PLEKHA2: variants seen among roughly 807,000 people sequenced by gnomAD.
PLEKHA2 encodes the protein pleckstrin homology domain-containing family A member 2.
PLEKHA2 carries 28 observed loss-of-function variants against 53.2 expected under a neutral mutation model. The observed-to-expected ratio is 0.53, with a 90% CI of 0.39 to 0.72. The LOEUF (loss-of-function observed/expected upper bound fraction) is 0.72, where lower values mean the gene tolerates loss of function less well. PLEKHA2 is among the 30% of genes least tolerant of loss of function. PLEKHA2 has a pLI of 0.00. For synonymous variants in PLEKHA2, 193 were observed against 196.4 expected, an observed-to-expected ratio of 0.98 and a Z score of 0.14; for missense variants, 426 against 537.9, an observed-to-expected ratio of 0.79 and a Z score of 2.06.
Position 38,969,902 on chromosome 8 carries a change from G to T in PLEKHA2, c.*119G>T. 7.1e-7 allele frequency: 1 copy of T among 1,414,378 alleles called. No homozygotes were observed. The allele number at this position is 1,414,378 out of a possible 1,614,324, so 87.6% of individuals were successfully genotyped here. ...AGGCCTTTATGTCACTCATATTCCT[G>T]TGGATGCTCTTTGGGAGGGAGGGGC... On this transcript the variant is annotated 3_prime_UTR_variant, in exon 12 of 12. Transcript: ENST00000617275.
intron 1 of PLEKHA2, among the ~76,000 whole-genome samples, chr8:38,902,252 G>A: frequency 6.6e-6 from 1 of 150,936 alleles, no homozygotes; most frequent in South Asian, 2.1e-4. Flanking sequence ...AGGCCGTTTA[G>A]AAGGGAAAAG....
At chr8:38,903,184 C>T (rs188759392) in intron 1 of PLEKHA2, among the ~76,000 whole-genome samples, 6 of 152,320 alleles carry the variant, frequency 3.9e-5, no homozygotes, top group East Asian at 1.9e-4. Context: ...GTTATTAGTC[C>T]GGATGTTGCC....
chr8:38,936,109 C>G, intron 3 of PLEKHA2, 59 bp downstream of exon 3: 1 of 1,550,916 alleles, frequency 6.4e-7, no homozygotes. Context: ...GGTTTCTAAG[C>G]AAGGGGAAGT....
chr8:38,934,335 A>T (rs1377564563), intron 2 of PLEKHA2, among the ~76,000 whole-genome samples: 1 of 152,034 alleles, frequency 6.6e-6, no homozygotes, highest in Non-Finnish European at 1.5e-5. Flanking sequence ...AGATCATTTC[A>T]CTGATAATTC....
chr8:38,952,069 AGGGCAAAGAG>A, intron 6 of PLEKHA2, 87 bp from the exon 7 acceptor site: 1 of 1,420,134 alleles, frequency 7.0e-7, no homozygotes. Flanking sequence ...TCTTTGACTT[AGGGCAAAGAG>A]GCCAGAGATT....
chr8:38,952,493 CT>C, intron 7 of PLEKHA2, 142 bp from the exon 8 acceptor site: 1 of 1,284,064 alleles, frequency 7.8e-7, no homozygotes. Flanking sequence ...GGTGTTGCCC[CT>C]GATATGAAGA....
intron 2 of PLEKHA2, among the ~76,000 whole-genome samples, chr8:38,933,778 T>TAAAA (rs774899490): frequency 6.1e-5 from 3 of 49,048 alleles, no homozygotes; most frequent in African/African-American, 1.4e-4. Context: ...AGAGGTTTCC[T>TAAAA]AAAAAAAAAA....
At chr8:38,947,487 G>C (rs1564140196) in intron 5 of PLEKHA2, among the ~76,000 whole-genome samples, 2 of 152,138 alleles carry the variant, frequency 1.3e-5, no homozygotes, top group Non-Finnish European at 2.9e-5. Context: ...GCCAGGCCTG[G>C]TGGCTTACAC....
chr8:38,969,941 C>CTGTGTGTGTGTGTGTGTG lies in PLEKHA2; in HGVS notation c.*178_*195dup. The stretch of plus-strand genomic sequence containing the variant: ...GGAGGGAGGGGCCCATCCAGCTGGG[C>CTGTGTGTGTGTGTGTGTG]TGTGTGTGTGTGTGTGTGTGTGTGT... On this transcript the variant is annotated 3_prime_UTR_variant, in exon 12 of 12. Coordinates refer to ENST00000617275, the MANE Select transcript of PLEKHA2 (RefSeq NM_021623.2). 1.4e-6 allele frequency: 1 copy of CTGTGTGTGTGTGTGTGTG among 696,658 alleles called. No homozygotes were observed. The highest frequency in any genetic ancestry group is 2.3e-6 in the Non-Finnish European group (1 of 440,210). 43.2% of individuals were successfully genotyped at this position (696,658 alleles called of 1,614,324 possible).
chr8:38,956,994 A>C (rs1588273518), intron 9 of PLEKHA2, among the ~76,000 whole-genome samples: 1 of 152,124 alleles, frequency 6.6e-6, no homozygotes, highest in African/African-American at 2.4e-5. Flanking sequence ...GGGAGGCAGG[A>C]AGGAAGGAAA....
At chr8:38,950,608 G>A in intron 5 of PLEKHA2, 1 of 385,358 alleles carries the variant, frequency 2.6e-6, no homozygotes, top group Non-Finnish European at 4.6e-6. Flanking sequence ...CCAGGGAAGG[G>A]CTGGCTCATA....
intron 10 of PLEKHA2, among the ~76,000 whole-genome samples, chr8:38,965,214 A>C (rs1220141758): frequency 1.3e-5 from 2 of 152,040 alleles, no homozygotes; most frequent in Non-Finnish European, 2.9e-5. Flanking sequence ...TGATTCTGTG[A>C]TTTCTTGCTA....
At chr8:38,919,389 G>A (rs1237853150) in intron 2 of PLEKHA2, among the ~76,000 whole-genome samples, 3 of 152,144 alleles carry the variant, frequency 2.0e-5, no homozygotes, top group Non-Finnish European at 4.4e-5. Flanking sequence ...CCTGAGTGCT[G>A]TTAGCTCTTT....
In PLEKHA2 at chr8:38,933,094, G is replaced by A. The variant is rs759995018; in HGVS notation, c.142-2900G>A. On this transcript the variant is annotated intron_variant, in intron 2 of 11. Transcript: ENST00000617275. The stretch of plus-strand genomic sequence containing the variant: ...TGTTTTTCCATGTGGGTTAGTGTCC[G>A]AATGGTTCCCCAAATCCCACTTCAT... Among the ~76,000 whole-genome samples, 4 of 152,304 alleles carry A rather than the reference G, an allele frequency of 2.6e-5. 1 individual carries two copies. Among genetic ancestry groups the A allele is most frequent in the South Asian group, 4.1e-4 (2 of 4,830 alleles).
At chr8:38,909,178 G>A (rs1472310417) in intron 1 of PLEKHA2, among the ~76,000 whole-genome samples, 1 of 151,764 alleles carries the variant, frequency 6.6e-6, no homozygotes, top group Non-Finnish European at 1.5e-5. Context: ...TAACCATTGT[G>A]TTGTTCAGGA....
chr8:38,958,339 A>C (rs555063559), intron 10 of PLEKHA2, among the ~76,000 whole-genome samples: 1 of 152,208 alleles, frequency 6.6e-6, no homozygotes, highest in Admixed American at 6.5e-5. Context: ...AAGGGAAACA[A>C]AAAGAACAGA....
In PLEKHA2 at chr8:38,922,168, T is replaced by G. The variant is rs73674628; in HGVS notation, c.141+4098T>G. Among the ~76,000 whole-genome samples, 5,844 of 152,172 alleles carry G rather than the reference T, an allele frequency of 0.038. 379 individuals carry two copies. Among genetic ancestry groups the G allele is most frequent in the African/African-American group, 0.13 (5,530 of 41,484 alleles). The stretch of plus-strand genomic sequence containing the variant: ...GTGCCCCTGCCATTATTGCTGATAA[T>G]GAGACAGGCGTCTAAGGGTGACTTG... On this transcript the variant is annotated intron_variant, in intron 2 of 11. Coordinates refer to ENST00000617275, the MANE Select transcript of PLEKHA2 (RefSeq NM_021623.2). This position sits in a 1 kb window ranked among gnomAD's most constrained non-coding sequence, Gnocchi z 4.0.
intron 3 of PLEKHA2, among the ~76,000 whole-genome samples, chr8:38,938,498 T>C (rs1287925371): frequency 6.6e-6 from 1 of 152,188 alleles, no homozygotes; most frequent in Non-Finnish European, 1.5e-5. Flanking sequence ...CTTCCGGCCA[T>C]GGGCAGACAG....
intron 1 of PLEKHA2, among the ~76,000 whole-genome samples, chr8:38,913,874 A>G (rs1241956763): frequency 6.6e-6 from 1 of 151,998 alleles, no homozygotes; most frequent in Non-Finnish European, 1.5e-5. Flanking sequence ...CCTGTTTCTG[A>G]ACTCAAACTT....
Sources: allele counts gnomAD v4.1 joint callset (sites outside exome capture counted in the v4.1 genomes callset), GRCh38; gene constraint gnomAD v4.1.1; non-coding constraint Gnocchi (gnomAD v3.1); transcripts MANE v1.5; gene names NCBI Gene and HGNC (gene_info 2026-07-23, HGNC 2026-07-21).